Variants in TRPM3 observed in about 807,000 individuals in gnomAD.
TRPM3 encodes the protein transient receptor potential cation channel subfamily M member 3.
In TRPM3, 77 loss-of-function variants were observed where a neutral mutation model predicts 181.2. The observed-to-expected ratio is 0.42, with a 90% CI of 0.35 to 0.51. The LOEUF is 0.51. Among genes scored for constraint, TRPM3 ranks in the 20% least tolerant of loss-of-function variants. TRPM3 has a pLI of 0.01. For missense variants in TRPM3, 1,759 were observed against 2,196.7 expected (o/e 0.80, Z 3.98); for synonymous variants, 745 against 796.4 (o/e 0.94, Z 1.09).
intron 9 of TRPM3, among the ~76,000 whole-genome samples, chr9:70,643,300 C>G (rs2058345805): frequency 6.6e-6 from 1 of 152,186 alleles, no homozygotes; most frequent in Admixed American, 6.6e-5. Context: ...TTTAGCTGGT[C>G]TACTGGTTGG....
chr9:71,422,782 T>G (rs2093800464), intron 1 of TRPM3, among the ~76,000 whole-genome samples: 1 of 152,064 alleles, frequency 6.6e-6, no homozygotes, highest in Admixed American at 6.6e-5. Context: ...ACACATATTA[T>G]TTGATATTTT....
intron 1 of TRPM3, among the ~76,000 whole-genome samples, chr9:71,382,060 T>C (rs2092813767): frequency 6.6e-6 from 1 of 152,156 alleles, no homozygotes; most frequent in South Asian, 2.1e-4. Context: ...CACAATTTAG[T>C]AAAGTGTTTA....
At chr9:71,107,605 A>C (rs534748683) in intron 1 of TRPM3, among the ~76,000 whole-genome samples, 20 of 152,318 alleles carry the variant, frequency 1.3e-4, no homozygotes, top group African/African-American at 4.6e-4. Context: ...AGAATGAATA[A>C]GTATGTGAAG....
chr9:71,366,891 TAGATA>T (rs1030843981), intron 1 of TRPM3, among the ~76,000 whole-genome samples: 2 of 152,158 alleles, frequency 1.3e-5, no homozygotes, highest in African/African-American at 4.8e-5. Flanking sequence ...AGAAATCTTA[TAGATA>T]AGATTTCACC....
Position 71,045,849 on chromosome 9 carries a change from G to T in TRPM3, c.177+75329C>A, listed in dbSNP as rs1793875952. On this transcript the variant is annotated intron_variant, in intron 1 of 25. Transcript: ENST00000677713. Reference sequence around the variant, plus strand: ...TGTTCAGGTTCTAACCCATAAAATTGGGGATTCAATAGCCAAATAATTTTG... The same window carrying T: ...TGTTCAGGTTCTAACCCATAAAATTTGGGATTCAATAGCCAAATAATTTTG... Among the ~76,000 whole-genome samples, 4 of 152,198 alleles carry T rather than the reference G, an allele frequency of 2.6e-5. No homozygotes were observed. In the South Asian group the frequency reaches 8.3e-4, roughly 32 times the overall value.
intron 1 of TRPM3, among the ~76,000 whole-genome samples, chr9:71,086,367 A>AAAGATTCAT (rs2065262647): frequency 6.6e-6 from 1 of 152,000 alleles, no homozygotes; most frequent in South Asian, 2.1e-4. Flanking sequence ...AATTTTTTTA[A>AAAGATTCAT]AAGATTCATT....
chr9:70,815,904 C>A (rs1263344523), intron 6 of TRPM3, among the ~76,000 whole-genome samples: 1 of 152,074 alleles, frequency 6.6e-6, no homozygotes, highest in Non-Finnish European at 1.5e-5. Context: ...AGATGTTAAG[C>A]CAGAAGCTGA....
intron 9 of TRPM3, among the ~76,000 whole-genome samples, chr9:70,680,168 A>C (rs1354594694): frequency 6.6e-6 from 1 of 152,204 alleles, no homozygotes; most frequent in Non-Finnish European, 1.5e-5. Context: ...GAAGAGTTAG[A>C]CATACTTGGA....
At chr9:70,873,713 C>T (rs2095828375) in intron 1 of TRPM3, among the ~76,000 whole-genome samples, 1 of 151,972 alleles carries the variant, frequency 6.6e-6, no homozygotes, top group Non-Finnish European at 1.5e-5. Flanking sequence ...TGTTCCTCTT[C>T]CCTATTTTGG....
intron 15 of TRPM3, 30 bp from the exon 16 acceptor site, chr9:70,620,395 A>C: frequency 6.3e-7 from 1 of 1,579,152 alleles, no homozygotes; most frequent in Admixed American, 1.7e-5. Flanking sequence ...ACACAGACTG[A>C]GTTAGAAATG....
At chr9:71,157,655 TTAGCTGCAAATCCTTTGG>T in intron 1 of TRPM3, among the ~76,000 whole-genome samples, 1 of 152,266 alleles carries the variant, frequency 6.6e-6, no homozygotes. Context: ...AATTCAGTTA[TTAGCTGCAAATCCTTTGG>T]TAGTTCAATA....
intron 1 of TRPM3, chr9:70,865,270 G>A (rs1274715280): frequency 6.6e-6 from 1 of 151,970 alleles, no homozygotes; most frequent in Non-Finnish European, 1.5e-5. Flanking sequence ...GACAAAGGAT[G>A]TCTCGGAAAA....
intron 7 of TRPM3, among the ~76,000 whole-genome samples, chr9:70,782,199 A>AT (rs11341566): frequency 1.3e-5 from 2 of 149,700 alleles, no homozygotes; most frequent in Non-Finnish European, 3.0e-5. Context: ...ACCTTGGTTA[A>AT]TTTTTTTTTT....
chr9:71,179,348 C>G (rs1329769), intron 1 of TRPM3, among the ~76,000 whole-genome samples: 65,539 of 151,872 alleles, frequency 0.43, 14,500 homozygotes, highest in East Asian at 0.52. Context: ...TAAAAGTGAA[C>G]AGTCAACAAG....
At chr9:70,912,303 T>C (rs1207679314) in intron 1 of TRPM3, among the ~76,000 whole-genome samples, 1 of 152,202 alleles carries the variant, frequency 6.6e-6, no homozygotes, top group Non-Finnish European at 1.5e-5. Flanking sequence ...GTTAAGAATA[T>C]TGGCTAAAGG....
intron 1 of TRPM3, among the ~76,000 whole-genome samples, chr9:70,918,037 G>A (rs768447466): frequency 7.2e-5 from 11 of 152,064 alleles, no homozygotes; most frequent in Middle Eastern, 3.4e-3. Flanking sequence ...GACAAAAGTG[G>A]TAAGAAGAGA....
In TRPM3 at chr9:70,670,248, G is replaced by A. The variant is rs115501150; in HGVS notation, c.1345+11258C>T. ...TATTAATACTGCCAACTTTCATGCC[G>A]AAGAAAGTGCCAGTTTGGAGGTAAA... On this transcript the variant is annotated intron_variant, in intron 9 of 25. Coordinates refer to ENST00000677713, the MANE Select transcript of TRPM3 (RefSeq NM_001366145.2). 6.1e-3 allele frequency among the ~76,000 whole-genome samples: 931 copies of A among 152,254 alleles called. 10 individuals are homozygous for A. Among genetic ancestry groups the A allele is most frequent in the African/African-American group, 0.021 (866 of 41,546 alleles).
intron 1 of TRPM3, among the ~76,000 whole-genome samples, chr9:71,206,993 G>A (rs2079163861): frequency 6.6e-6 from 1 of 152,048 alleles, no homozygotes; most frequent in South Asian, 2.1e-4. Context: ...CTCTTTATCA[G>A]TAGTTGAGTT....
Position 71,121,580 on chromosome 9 carries a change from A to T in TRPM3, c.-226T>A. On this transcript the variant is annotated 5_prime_UTR_variant, in exon 1 of 26. Coordinates refer to ENST00000677713, the MANE Select transcript of TRPM3 (RefSeq NM_001366145.2). ...TTTGAAGAAGAGGGACAGCCTGCAC[A>T]AAACAGCCTGTGGTCGGAGTCAAAG... 7.6e-7 allele frequency: 1 copy of T among 1,324,048 alleles called. No homozygotes were observed. The highest frequency in any genetic ancestry group is 9.6e-7 in the Non-Finnish European group (1 of 1,038,734). 82.0% of individuals were successfully genotyped at this position (1,324,048 alleles called of 1,614,324 possible). A position where few individuals can be genotyped will look rare whatever the true frequency, so the allele number is the denominator to read the frequency against.
Sources: allele counts gnomAD v4.1 joint callset (sites outside exome capture counted in the v4.1 genomes callset), GRCh38; gene constraint gnomAD v4.1.1; transcripts MANE v1.5; gene names NCBI Gene and HGNC (gene_info 2026-07-23, HGNC 2026-07-21).